The following DGKI variants were observed in gnomAD, a reference collection of about 807,000 sequenced individuals.
DGKI encodes the protein DAG kinase iota.
DGKI carries 55 observed loss-of-function variants against 147.5 expected under a neutral mutation model. The ratio of observed to expected loss-of-function variants is 0.37; its 90% CI spans 0.30 to 0.47. DGKI has a LOEUF of 0.47. DGKI is among the 20% of genes least tolerant of loss of function. The pLI is 1.00. For missense variants in DGKI, 1,007 were observed against 1,323.8 expected (o/e 0.76, Z 3.71); for synonymous variants, 469 against 477.1 (o/e 0.98, Z 0.22).
intron 21 of DGKI, among the ~76,000 whole-genome samples, chr7:137,513,430 A>G (rs1225878751): frequency 6.6e-6 from 1 of 152,196 alleles, no homozygotes; most frequent in Non-Finnish European, 1.5e-5. Context: ...TACAAATTAA[A>G]AAAAAGAATC....
At chr7:137,678,018 T>G (rs1233327078) in intron 3 of DGKI, among the ~76,000 whole-genome samples, 1 of 152,186 alleles carries the variant, frequency 6.6e-6, no homozygotes, top group African/African-American at 2.4e-5. Context: ...CAACAAAAGT[T>G]AACTCCAATT....
Position 137,846,353 on chromosome 7 carries a change from GCGTGGAAACAGAGAGGTGCCCAACTC to G in DGKI, c.401+83_401+108del. 1.6e-6 allele frequency: 1 copy of G among 610,228 alleles called. No homozygotes were observed. The highest frequency in any genetic ancestry group is 2.0e-5 in the African/African-American group (1 of 50,192). The allele number at this position is 610,228 out of a possible 1,614,324, so 37.8% of individuals were successfully genotyped here. A position where few individuals can be genotyped will look rare whatever the true frequency, so the allele number is the denominator to read the frequency against. On this transcript the variant is annotated intron_variant, in intron 1 of 32. Transcript: ENST00000614521. The surrounding 1 kb of genome is among the most constrained non-coding windows in gnomAD (Gnocchi z 4.0). ...GAGAGGGGGAAAGGGGGAAGGAGAG[GCGTGGAAACAGAGAGGTGCCCAACTC>G]CGCGGAAGCGCCCCTTGCTGGGTAG...
At chr7:137,675,077 G>T (rs1288951563) in intron 3 of DGKI, among the ~76,000 whole-genome samples, 1 of 152,158 alleles carries the variant, frequency 6.6e-6, no homozygotes, top group Non-Finnish European at 1.5e-5. Context: ...TACATGATCT[G>T]CTTATGCATA....
At chr7:137,757,849 C>T (rs1388795990) in intron 1 of DGKI, among the ~76,000 whole-genome samples, 1 of 152,206 alleles carries the variant, frequency 6.6e-6, no homozygotes, top group Non-Finnish European at 1.5e-5. Flanking sequence ...TAACTATATC[C>T]ACCTGGCAGA....
intron 1 of DGKI, among the ~76,000 whole-genome samples, chr7:137,790,350 C>T (rs912975625): frequency 6.6e-6 from 1 of 151,998 alleles, no homozygotes; most frequent in African/African-American, 2.4e-5. Flanking sequence ...TATTCATGAT[C>T]CGAAGACTGA....
At position 137,787,497 on chromosome 7, in the gene DGKI, T is replaced by G. The variant is rs906504199; in HGVS notation, c.401+58965A>C. Reference sequence around the variant, plus strand: ...GTTGGCATGGATGCAATGAAAACATTTTTACACTGTTGGTGGAATGTAAAC... The same window carrying G: ...GTTGGCATGGATGCAATGAAAACATGTTTACACTGTTGGTGGAATGTAAAC... On this transcript the variant is annotated intron_variant, in intron 1 of 32. Transcript: ENST00000614521. Among the ~76,000 whole-genome samples, 159 of 152,182 alleles carry G rather than the reference T, an allele frequency of 1.0e-3. 3 individuals are homozygous for G. The highest frequency in any genetic ancestry group is 3.8e-3 in the African/African-American group (157 of 41,544).
chr7:137,702,977 T>C (rs1824032964), intron 1 of DGKI, among the ~76,000 whole-genome samples: 1 of 152,224 alleles, frequency 6.6e-6, no homozygotes, highest in Non-Finnish European at 1.5e-5. Flanking sequence ...ACACATATGT[T>C]GTTTCAGAAA....
chr7:137,820,870 C>T (rs574266932), intron 1 of DGKI, among the ~76,000 whole-genome samples: 2 of 152,310 alleles, frequency 1.3e-5, no homozygotes, highest in Admixed American at 1.3e-4. Flanking sequence ...CGGCATCAGG[C>T]CTTGCTAAAG....
chr7:137,490,048 G>A (rs1815707678), intron 21 of DGKI, among the ~76,000 whole-genome samples: 1 of 152,128 alleles, frequency 6.6e-6, no homozygotes, highest in Non-Finnish European at 1.5e-5. Context: ...GTTCTTCAAG[G>A]AGCAAAGTAA....
chr7:137,553,829 C>A (rs1386064441), intron 19 of DGKI, among the ~76,000 whole-genome samples: 2 of 152,172 alleles, frequency 1.3e-5, no homozygotes, highest in East Asian at 3.9e-4. Context: ...TACTAAAATT[C>A]TTTTTGCCTT....
chr7:137,599,631 T>C lies in DGKI; in HGVS notation c.1250+192A>G, dbSNP rs111264796. Among the ~76,000 whole-genome samples the C allele has an allele frequency of 3.3e-5, 5 of 152,302 alleles. 1 individual carries two copies. The highest frequency in any genetic ancestry group is 9.6e-5 in the African/African-American group (4 of 41,548). On this transcript the variant is annotated intron_variant, in intron 11 of 32. Coordinates refer to ENST00000614521, the MANE Select transcript of DGKI (RefSeq NM_001321708.2). The stretch of plus-strand genomic sequence containing the variant: ...TCCTGAGTTAATAGCTGAGAAGATA[T>C]GTTTCGAAGGGAACTAAGCCAATAA...
At chr7:137,634,183 C>T (rs1288602669) in intron 6 of DGKI, among the ~76,000 whole-genome samples, 2 of 152,172 alleles carry the variant, frequency 1.3e-5, no homozygotes, top group African/African-American at 2.4e-5. Flanking sequence ...GGAGGCAGCA[C>T]ATTCTACATT....
At chr7:137,792,796 C>T (rs1252928647) in intron 1 of DGKI, among the ~76,000 whole-genome samples, 1 of 152,222 alleles carries the variant, frequency 6.6e-6, no homozygotes, top group Non-Finnish European at 1.5e-5. Context: ...CACCATGTGA[C>T]ATGTCTGATC....
intron 1 of DGKI, among the ~76,000 whole-genome samples, chr7:137,732,052 C>T (rs921279692): frequency 1.3e-5 from 2 of 152,058 alleles, no homozygotes; most frequent in African/African-American, 2.4e-5. Context: ...TTGAGAAAAC[C>T]TGCAATTCTG....
chr7:137,614,083 A>T (rs538549082), intron 8 of DGKI, among the ~76,000 whole-genome samples: 1 of 152,286 alleles, frequency 6.6e-6, no homozygotes, highest in Non-Finnish European at 1.5e-5. Context: ...ACTACAAACG[A>T]AACAATAAAA....
intron 4 of DGKI, among the ~76,000 whole-genome samples, chr7:137,655,627 G>A (rs1822192002): frequency 6.6e-6 from 1 of 152,232 alleles, no homozygotes; most frequent in South Asian, 2.1e-4. Flanking sequence ...AGGCAGAGAT[G>A]AGTAAGTGAA....
At chr7:137,545,464 T>G (rs1340020860) in intron 20 of DGKI, among the ~76,000 whole-genome samples, 1 of 151,478 alleles carries the variant, frequency 6.6e-6, no homozygotes, top group Non-Finnish European at 1.5e-5. Context: ...ACTGTAACTA[T>G]GGATCTTCCA....
chr7:137,631,559 T>C (rs1366351553), intron 6 of DGKI, among the ~76,000 whole-genome samples: 1 of 151,982 alleles, frequency 6.6e-6, no homozygotes, highest in Non-Finnish European at 1.5e-5. Context: ...CTAGCAGGAA[T>C]GGGAGAGAGT....
At chr7:137,488,806 G>A (rs908341840) in intron 21 of DGKI, among the ~76,000 whole-genome samples, 3 of 152,014 alleles carry the variant, frequency 2.0e-5, no homozygotes, top group Non-Finnish European at 4.4e-5. Context: ...GAATCTCCAC[G>A]TAGTAGAGAA....
Sources: allele counts gnomAD v4.1 joint callset (sites outside exome capture counted in the v4.1 genomes callset), GRCh38; gene constraint gnomAD v4.1.1; non-coding constraint Gnocchi (gnomAD v3.1); transcripts MANE v1.5; gene names NCBI Gene and HGNC (gene_info 2026-07-23, HGNC 2026-07-21).